MS4A3: variants seen among roughly 807,000 people sequenced by gnomAD.
MS4A3 encodes the protein membrane spanning 4-domains A3.
A neutral mutation model predicts 24.7 loss-of-function variants in MS4A3; 18 were observed. The ratio of observed to expected loss-of-function variants is 0.73; its 90% CI spans 0.50 to 1.08. MS4A3 has a LOEUF of 1.08. Among genes scored for constraint, MS4A3 ranks in the 50% least tolerant of loss-of-function variants. MS4A3 has a pLI of 0.00. For synonymous variants in MS4A3, 84 were observed against 95.3 expected, an observed-to-expected ratio of 0.88 and a Z score of 0.69; for missense variants, 282 against 251.7, an observed-to-expected ratio of 1.12 and a Z score of -0.82.
intron 1 of MS4A3, among the ~76,000 whole-genome samples, 168 bp downstream of exon 1, chr11:60,056,908 T>C (rs1250081106): frequency 6.6e-6 from 1 of 152,170 alleles, no homozygotes; most frequent in Non-Finnish European, 1.5e-5. Flanking sequence ...GATGATTCCT[T>C]TGGAGCCATG....
At chr11:60,059,438 T>A (rs928155965) in intron 1 of MS4A3, among the ~76,000 whole-genome samples, 44 of 152,170 alleles carry the variant, frequency 2.9e-4, no homozygotes, top group African/African-American at 1.1e-3. Context: ...CATGTACAGG[T>A]TCGTTATATA....
chr11:60,061,371 T>A (rs1271143898), intron 2 of MS4A3, 55 bp downstream of exon 2: 1 of 1,550,434 alleles, frequency 6.4e-7, no homozygotes, highest in African/African-American at 1.4e-5. Flanking sequence ...TAAATACAGT[T>A]GACCTGTGAA....
chr11:60,070,507 A>G lies in MS4A3; in HGVS notation c.*274A>G. 1 of 351,452 alleles carries G rather than the reference A, an allele frequency of 2.8e-6. No homozygotes were observed. Among genetic ancestry groups the G allele is most frequent in the Non-Finnish European group, 5.1e-6 (1 of 196,474 alleles). 21.8% of individuals were successfully genotyped at this position (351,452 alleles called of 1,614,324 possible). On this transcript the variant is annotated 3_prime_UTR_variant, in exon 7 of 7. Transcript: ENST00000278865. Reference sequence around the variant, plus strand: ...GTAACTTCTATGATCATTACTCCAAAGTTGTTTCCAGAAATTGGTTCTATT... The same window carrying G: ...GTAACTTCTATGATCATTACTCCAAGGTTGTTTCCAGAAATTGGTTCTATT...
chr11:60,070,171 G>A (rs1468495540), intron 6 of MS4A3, 33 bp from the exon 7 acceptor site: 6 of 1,575,428 alleles, frequency 3.8e-6, no homozygotes, highest in South Asian at 1.1e-5. Flanking sequence ...TAATGATCCT[G>A]TTCTTGGACA....
rs1422466292 is a variant in MS4A3, at chr11:60,062,565, TCA to T, written c.256_257del (p.Thr86LeufsTer15). On this transcript the variant is annotated frameshift_variant, in exon 3 of 7. Coordinates refer to ENST00000278865, the MANE Select transcript of MS4A3 (RefSeq NM_006138.5). LOFTEE classifies it high-confidence loss of function. ...CACTTCCAAAAGCACTTCTTTTTCT[TCA>T]CCTTCTACACAGGCTACCCGATTTG... The T allele has an allele frequency of 6.2e-7, 1 of 1,613,998 alleles. No homozygotes were observed. The highest frequency in any genetic ancestry group is 8.5e-7 in the Non-Finnish European group (1 of 1,180,016).
At chr11:60,064,188 T>C (rs1305167500) in intron 3 of MS4A3, 74 bp from the exon 4 acceptor site, 3 of 1,126,688 alleles carry the variant, frequency 2.7e-6, no homozygotes, top group East Asian at 5.1e-5. Context: ...TATCTGCTAA[T>C]TGAGGGAGGA....
At chr11:60,058,566 A>G (rs1286516306) in intron 1 of MS4A3, among the ~76,000 whole-genome samples, 6 of 149,172 alleles carry the variant, frequency 4.0e-5, no homozygotes, top group Non-Finnish European at 7.4e-5. Flanking sequence ...GAGAGCAGAA[A>G]TTATCCAGGT....
intron 5 of MS4A3, 28 bp from the exon 6 acceptor site, chr11:60,069,546 G>T: frequency 6.6e-7 from 1 of 1,514,852 alleles, no homozygotes; most frequent in Non-Finnish European, 9.1e-7. Flanking sequence ...TTGCCACTGG[G>T]TTTGATATAA....
rs752479947 is a variant in MS4A3 at position 60,069,589 on chromosome 11, C to A, written c.529C>A (p.Leu177Met). 1.2e-6 allele frequency: 2 copies of A among 1,612,678 alleles called. No homozygotes were observed. The highest frequency in any genetic ancestry group is 2.2e-5 in the South Asian group (2 of 91,026). The change falls in exon 6 of 7, where the codon CTG becomes ATG. Residue 177 changes from leucine (L) to methionine (M), a missense_variant. By Grantham distance (15) the Leu-to-Met change is conservative. Transcript: ENST00000278865. Reference protein sequence around the residue: ...GSISNGMVSLLLILTLLELCV... With the variant: ...GSISNGMVSLMLILTLLELCV... ...TATCCCCTAGGGCATGGTGTCTCTA[C>A]TGCTGATTCTCACCTTGCTGGAATT...
intron 6 of MS4A3, 27 bp downstream of exon 6, chr11:60,069,702 T>G (rs1180121628): frequency 3.3e-6 from 5 of 1,524,996 alleles, no homozygotes; most frequent in Non-Finnish European, 3.6e-6. Context: ...GATTAATCAT[T>G]CACATGATCT....
chr11:60,058,413 A>G (rs1855206325), intron 1 of MS4A3, among the ~76,000 whole-genome samples: 2 of 145,722 alleles, frequency 1.4e-5, no homozygotes, highest in Non-Finnish European at 3.0e-5. Context: ...AGGCTGAGGC[A>G]GGATCATAGC....
chr11:60,068,873 G>A (rs758699391), intron 5 of MS4A3, among the ~76,000 whole-genome samples: 106 of 151,914 alleles, frequency 7.0e-4, no homozygotes, highest in Non-Finnish European at 3.4e-4. Flanking sequence ...CCCACGACAG[G>A]CCCTGGTGTG....
chr11:60,069,546 G>A, intron 5 of MS4A3, 28 bp from the exon 6 acceptor site: 1 of 1,514,856 alleles, frequency 6.6e-7, no homozygotes, highest in African/African-American at 1.4e-5. Flanking sequence ...TTGCCACTGG[G>A]TTTGATATAA....
chr11:60,058,641 G>A (rs568401974), intron 1 of MS4A3, among the ~76,000 whole-genome samples: 1 of 151,114 alleles, frequency 6.6e-6, no homozygotes, highest in South Asian at 2.1e-4. Flanking sequence ...ACATTTGAGG[G>A]TTTAGAACTT....
Position 60,070,325 on chromosome 11 carries a change from A to G in MS4A3, c.*92A>G. 9.6e-7 allele frequency: 1 copy of G among 1,045,980 alleles called. No homozygotes were observed. The highest frequency in any genetic ancestry group is 1.5e-6 in the Non-Finnish European group (1 of 684,452). The allele number at this position is 1,045,980 out of a possible 1,614,324, so 64.8% of individuals were successfully genotyped here. A position where few individuals can be genotyped will look rare whatever the true frequency, so the allele number is the denominator to read the frequency against. On this transcript the variant is annotated 3_prime_UTR_variant, in exon 7 of 7. Coordinates refer to ENST00000278865, the MANE Select transcript of MS4A3 (RefSeq NM_006138.5). ...TCACCCACAAACTCAGGAGAACATA[A>G]GCCTGCTCGTAAAGCTCAATCCTTC... is the stretch of plus-strand genomic sequence containing the variant.
At position 60,061,257 on chromosome 11, in the gene MS4A3, G is replaced by C. The variant is rs760724580; in HGVS notation, c.97G>C (p.Val33Leu). The change falls in exon 2 of 7, where the codon GTC becomes CTC. Residue 33 changes from valine (V) to leucine (L), a missense_variant. Coordinates refer to ENST00000278865, the MANE Select transcript of MS4A3 (RefSeq NM_006138.5). ...EAGPEELNTS[V>L]YQPIDGSPDY... ...GGGACCAGAAGAGCTGAATACTTCT[G>C]TCTACCAGCCCATAGATGGATCACC... The C allele has an allele frequency of 1.2e-5, 19 of 1,613,912 alleles. No homozygotes were observed. Among genetic ancestry groups the C allele is most frequent in the Non-Finnish European group, 1.6e-5 (19 of 1,179,932 alleles).
intron 5 of MS4A3, among the ~76,000 whole-genome samples, chr11:60,067,621 G>A (rs897203706): frequency 2.0e-5 from 3 of 152,204 alleles, no homozygotes; most frequent in Admixed American, 1.3e-4. Context: ...AATAGTACCC[G>A]TCTCATAGGA....
At chr11:60,066,742 T>C (rs1431945499) in intron 4 of MS4A3, among the ~76,000 whole-genome samples, 1 of 152,232 alleles carries the variant, frequency 6.6e-6, no homozygotes, top group Admixed American at 6.5e-5. Flanking sequence ...ATAGTATGTT[T>C]ACTTTTTTCT....
intron 4 of MS4A3, among the ~76,000 whole-genome samples, chr11:60,065,804 C>T (rs960801463): frequency 6.6e-6 from 1 of 152,168 alleles, no homozygotes; most frequent in African/African-American, 2.4e-5. Flanking sequence ...TTCCTGGTTC[C>T]TCTCCTTGTC....
Sources: allele counts gnomAD v4.1 joint callset (sites outside exome capture counted in the v4.1 genomes callset), GRCh38; gene constraint gnomAD v4.1.1; transcripts MANE v1.5; gene names NCBI Gene and HGNC (gene_info 2026-07-23, HGNC 2026-07-21).